CDH13: variants seen among roughly 807,000 people sequenced by gnomAD.
The protein encoded by CDH13 is cadherin-13.
In CDH13, 24 loss-of-function variants were observed where a neutral mutation model predicts 63.8. The ratio of observed to expected loss-of-function variants is 0.38; its 90% CI spans 0.27 to 0.53. The LOEUF (loss-of-function observed/expected upper bound fraction) is 0.53. Ranked by LOEUF, CDH13 falls within the 20% of genes least tolerant of loss-of-function variation. The pLI is 0.85. For synonymous variants in CDH13, 503 were observed against 355.3 expected (o/e 1.42, Z -4.67); for missense variants, 1,049 against 903.1 (o/e 1.16, Z -2.07).
At chr16:83,105,987 A>C (rs1282442440) in intron 3 of CDH13, among the ~76,000 whole-genome samples, 3 of 152,254 alleles carry the variant, frequency 2.0e-5, no homozygotes, top group Non-Finnish European at 4.4e-5. Flanking sequence ...GTTGTGATCA[A>C]GGAAATGTGT....
intron 10 of CDH13, among the ~76,000 whole-genome samples, chr16:83,743,748 C>CTTTTTTTTTTTTTTTTTTTTTTTTTTT (rs67886035): frequency 5.2e-5 from 4 of 76,258 alleles, no homozygotes; most frequent in Non-Finnish European, 6.5e-5. Flanking sequence ...TTTCTTTTTT[C>CTTTTTTTTTTTTTTTTTTTTTTTTTTT]TTTTTTTTTT....
chr16:83,106,724 C>T (rs7187117), intron 3 of CDH13, among the ~76,000 whole-genome samples: 14,137 of 152,166 alleles, frequency 0.093, 743 homozygotes, highest in African/African-American at 0.13. Context: ...AAATACAAAA[C>T]TGCTCACACC....
chr16:83,556,442 G>A (rs2075603797), intron 7 of CDH13, among the ~76,000 whole-genome samples: 1 of 152,132 alleles, frequency 6.6e-6, no homozygotes, highest in South Asian at 2.1e-4. Flanking sequence ...ATGCAAAGCA[G>A]GAAACACACA....
chr16:83,198,243 T>G (rs985805465), intron 4 of CDH13, among the ~76,000 whole-genome samples: 1 of 151,964 alleles, frequency 6.6e-6, no homozygotes, highest in Non-Finnish European at 1.5e-5. Flanking sequence ...ACAGCACTCT[T>G]TTTAGTATAT....
intron 4 of CDH13, among the ~76,000 whole-genome samples, chr16:83,169,941 C>G (rs2037850553): frequency 6.6e-6 from 1 of 152,072 alleles, no homozygotes; most frequent in South Asian, 2.1e-4. Flanking sequence ...CCCTCTAGAT[C>G]TTACTTTCGA....
At chr16:83,268,873 G>A (rs557355607) in intron 5 of CDH13, among the ~76,000 whole-genome samples, 1 of 152,068 alleles carries the variant, frequency 6.6e-6, no homozygotes, top group Non-Finnish European at 1.5e-5. Flanking sequence ...CAGTTCTTAG[G>A]TTCTACCTGG....
intron 4 of CDH13, among the ~76,000 whole-genome samples, chr16:83,184,282 A>G (rs757026496): frequency 6.6e-6 from 1 of 152,116 alleles, no homozygotes; most frequent in Non-Finnish European, 1.5e-5. Flanking sequence ...ACCTTTTGAA[A>G]CCAATAATCA....
At chr16:83,099,940 A>G (rs991942788) in intron 3 of CDH13, among the ~76,000 whole-genome samples, 1 of 152,140 alleles carries the variant, frequency 6.6e-6, no homozygotes, top group Non-Finnish European at 1.5e-5. Flanking sequence ...CAAAGCACCC[A>G]CACTGTCCTA....
intron 13 of CDH13, among the ~76,000 whole-genome samples, chr16:83,787,127 C>G (rs923560729): frequency 6.6e-5 from 10 of 152,086 alleles, no homozygotes; most frequent in Admixed American, 5.9e-4. Flanking sequence ...TTTGTAAAAC[C>G]TCCTGTAATT....
intron 6 of CDH13, among the ~76,000 whole-genome samples, chr16:83,419,849 A>G (rs746843784): frequency 2.0e-5 from 3 of 152,158 alleles, no homozygotes; most frequent in Non-Finnish European, 2.9e-5. Flanking sequence ...TCCAAACAAA[A>G]TAAACTGTAT....
At chr16:82,897,796 A>G (rs1336022380) in intron 2 of CDH13, among the ~76,000 whole-genome samples, 1 of 152,272 alleles carries the variant, frequency 6.6e-6, no homozygotes, top group Non-Finnish European at 1.5e-5. Flanking sequence ...GGCTTAGGCC[A>G]GGTAACTAAG....
chr16:82,873,717 C>G (rs1370906066), intron 2 of CDH13, among the ~76,000 whole-genome samples: 1 of 152,122 alleles, frequency 6.6e-6, no homozygotes, highest in African/African-American at 2.4e-5. Flanking sequence ...TTGGTTTTAT[C>G]CTTTAAAAGA....
chr16:83,272,837 T>C (rs9937227), intron 5 of CDH13, among the ~76,000 whole-genome samples: 134,736 of 152,228 alleles, frequency 0.89, 59,829 homozygotes, highest in East Asian at 1. Context: ...CAAGAACAAC[T>C]ATTCTGTGCA....
chr16:83,227,917 A>T (rs984583448), intron 5 of CDH13, among the ~76,000 whole-genome samples: 1 of 152,006 alleles, frequency 6.6e-6, no homozygotes, highest in African/African-American at 2.4e-5. Context: ...CAACCACCAA[A>T]TCCCTGCTTC....
chr16:83,089,603 G>C (rs551708026), intron 3 of CDH13, among the ~76,000 whole-genome samples: 2 of 152,330 alleles, frequency 1.3e-5, no homozygotes, highest in South Asian at 4.1e-4. Flanking sequence ...GGGGAATGGG[G>C]TTCACAGTTT....
chr16:83,407,167 C>A (rs2092060066), intron 6 of CDH13, among the ~76,000 whole-genome samples: 1 of 152,194 alleles, frequency 6.6e-6, no homozygotes, highest in Admixed American at 6.5e-5. Context: ...AAACAAAACT[C>A]CCATTTTCCT....
rs532787262 is a variant in CDH13 at position 82,699,817 on chromosome 16, G to A, written c.45+72680G>A. Among the ~76,000 whole-genome samples the A allele has an allele frequency of 3.3e-5, 5 of 152,356 alleles. No individual in the cohort carries two copies. The East Asian group carries it at 9.6e-4, about 29-fold the overall frequency. The stretch of plus-strand genomic sequence containing the variant: ...GCCAAATGTCATTTAGCTGTTGAGA[G>A]AGGAATGTCCCATCTAGTTTTTACA... On this transcript the variant is annotated intron_variant, in intron 1 of 13. Transcript: ENST00000567109.
chr16:83,266,563 G>A (rs541895128), intron 5 of CDH13, among the ~76,000 whole-genome samples: 12 of 152,296 alleles, frequency 7.9e-5, no homozygotes, highest in African/African-American at 2.9e-4. Flanking sequence ...CACAGATAAA[G>A]TCTTCTGCTG....
chr16:82,827,425 G>A (rs556503061), intron 1 of CDH13, among the ~76,000 whole-genome samples: 8 of 152,156 alleles, frequency 5.3e-5, no homozygotes, highest in Non-Finnish European at 2.9e-5. Flanking sequence ...CAGAGGTTCT[G>A]AACAAAGAAC....
Sources: gnomAD v4.1 joint callset for allele counts (sites outside exome capture counted in the v4.1 genomes callset) on GRCh38, gnomAD v4.1.1 for gene constraint, MANE v1.5 for transcripts, NCBI Gene and HGNC (gene_info 2026-07-23, HGNC 2026-07-21) for gene names.